PRPF39: variants seen among roughly 807,000 people sequenced by gnomAD.
The protein encoded by PRPF39 is pre-mRNA processing factor 39.
Under a neutral mutation model 82.1 loss-of-function variants are expected in PRPF39, and 27 were observed. The observed-to-expected ratio is 0.33, with a 90% CI of 0.24 to 0.45. PRPF39 has a LOEUF of 0.45. Ranked by LOEUF, PRPF39 falls within the 20% of genes least tolerant of loss-of-function variation. The pLI, the probability that PRPF39 is intolerant of heterozygous loss-of-function variation, is 1.00. For synonymous variants in PRPF39, 261 were observed against 256.4 expected (o/e 1.02, Z -0.17); for missense variants, 581 against 796.9 (o/e 0.73, Z 3.26).
chr14:45,115,332 T>A lies in PRPF39; in HGVS notation c.*419T>A, dbSNP rs1884806459. On this transcript the variant is annotated 3_prime_UTR_variant, in exon 14 of 14. Transcript: ENST00000355765. ...TTTAAAGAAAAAAGGACTTTTAACC[T>A]TTGCTGACAAGGTTTTGTCTGTTTC... The A allele has an allele frequency of 6.6e-6, 1 of 152,500 alleles. No individual in the cohort carries two copies. The highest frequency in any genetic ancestry group is 6.6e-5 in the Admixed American group (1 of 15,224). 9.4% of individuals were successfully genotyped at this position (152,500 alleles called of 1,614,324 possible). A position where few individuals can be genotyped will look rare whatever the true frequency, so the allele number is the denominator to read the frequency against.
chr14:45,113,602 A>T (rs1287336340), intron 11 of PRPF39, among the ~76,000 whole-genome samples: 1 of 152,200 alleles, frequency 6.6e-6, no homozygotes, highest in Non-Finnish European at 1.5e-5. Flanking sequence ...GTTGAATGAT[A>T]TGATTAACAG....
At chr14:45,099,756 A>G (rs868716174) in intron 4 of PRPF39, among the ~76,000 whole-genome samples, 24 of 152,254 alleles carry the variant, frequency 1.6e-4, no homozygotes, top group African/African-American at 5.5e-4. Flanking sequence ...GATTCTTAAT[A>G]TCCAAGAATC....
intron 1 of PRPF39, among the ~76,000 whole-genome samples, chr14:45,093,541 A>C (rs188098218): frequency 6.8e-6 from 1 of 146,828 alleles, no homozygotes; most frequent in East Asian, 2.0e-4. Flanking sequence ...CTATTTATTA[A>C]AGCAGTCTTT....
intron 1 of PRPF39, among the ~76,000 whole-genome samples, chr14:45,087,062 C>CACTATTTATTAAATAGTG: frequency 6.6e-6 from 1 of 152,028 alleles, no homozygotes; most frequent in Non-Finnish European, 1.5e-5. Flanking sequence ...AAAATAAATA[C>CACTATTTATTAAATAGTG]TTAAATTATA....
chr14:45,114,078 G>A lies in PRPF39; in HGVS notation c.1758-105G>A, dbSNP rs2295534. Reference sequence around the variant, plus strand: ...TAGAAATTTTAAAAATAAAGGAGCCGCTTAGAAATTTTCTTAGGCAGTTTC... The same window carrying A: ...TAGAAATTTTAAAAATAAAGGAGCCACTTAGAAATTTTCTTAGGCAGTTTC... On this transcript the variant is annotated intron_variant, in intron 11 of 13. Transcript: ENST00000355765. 547 of 771,804 alleles carry A rather than the reference G, an allele frequency of 7.1e-4. 5 individuals carry two copies. The East Asian group carries it at 0.016, about 22-fold the overall frequency. The allele number at this position is 771,804 out of a possible 1,614,324, so 47.8% of individuals were successfully genotyped here.
chr14:45,113,087 G>C (rs73340626), intron 11 of PRPF39, among the ~76,000 whole-genome samples: 15,097 of 152,186 alleles, frequency 0.099, 989 homozygotes, highest in African/African-American at 0.18. Context: ...TTATCTGATT[G>C]TAGTAAGCAA....
In PRPF39 at chr14:45,112,338, C is replaced by A. The variant is rs771329862; in HGVS notation, c.1593C>A (p.Leu531=). 6.4e-7 allele frequency: 1 copy of A among 1,559,704 alleles called. No homozygotes were observed. Among genetic ancestry groups the A allele is most frequent in the South Asian group, 1.2e-5 (1 of 80,040 alleles). Residue 531 remains leucine (L), a synonymous_variant, in exon 11 of 14, where the codon CTC becomes CTA. Transcript: ENST00000355765. ...CACAGGAGAACACAAAGTTATACCT[C>A]AATTTACTTGAAATGGAATATAGTG... is the stretch of plus-strand genomic sequence containing the variant. ...ERDKENTKLY[L]NLLEMEYSGD...
chr14:45,107,263 T>C (rs1566697316), intron 5 of PRPF39, among the ~76,000 whole-genome samples, 188 bp from the exon 6 acceptor site: 1 of 152,212 alleles, frequency 6.6e-6, no homozygotes, highest in Non-Finnish European at 1.5e-5. Flanking sequence ...GTCTATAGAC[T>C]GTTTTATCAT....
Position 45,115,967 on chromosome 14 carries a change from TCTC to T in PRPF39, c.*1057_*1059del, listed in dbSNP as rs1317564558. 1.5e-5 allele frequency: 7 copies of T among 459,072 alleles called. No homozygotes were observed. Among genetic ancestry groups the T allele is most frequent in the African/African-American group, 5.8e-5 (3 of 51,716 alleles). The allele number at this position is 459,072 out of a possible 1,614,324, so 28.4% of individuals were successfully genotyped here. On this transcript the variant is annotated 3_prime_UTR_variant, in exon 14 of 14. Coordinates refer to ENST00000355765, the MANE Select transcript of PRPF39 (RefSeq NM_017922.4). ...ACAACATGAGGTAAAAGGAAAAAGT[TCTC>T]CTTGACCAGTATTTTACACAGCTGT...
At chr14:45,094,687 A>C (rs1884143991) in intron 1 of PRPF39, among the ~76,000 whole-genome samples, 1 of 152,264 alleles carries the variant, frequency 6.6e-6, no homozygotes, top group Non-Finnish European at 1.5e-5. Flanking sequence ...TATAAATCGT[A>C]AGTATATAGA....
intron 1 of PRPF39, among the ~76,000 whole-genome samples, chr14:45,093,424 A>G (rs1884101767): frequency 6.6e-6 from 1 of 151,914 alleles, no homozygotes; most frequent in Non-Finnish European, 1.5e-5. Flanking sequence ...GGGTTTCACC[A>G]TGTTGGACAG....
At position 45,115,475 on chromosome 14, in the gene PRPF39, CA is replaced by C. The variant is rs1404883040; in HGVS notation, c.*563del. On this transcript the variant is annotated 3_prime_UTR_variant, in exon 14 of 14. Transcript: ENST00000355765. ...TTTGCATCCCTTTAAAAATGAAAAT[CA>C]TATCAAAAGTATGTTGTTTCAGGAG... 1 of 152,410 alleles carries C rather than the reference CA, an allele frequency of 6.6e-6. No homozygotes were observed. The highest frequency in any genetic ancestry group is 1.5e-5 in the Non-Finnish European group (1 of 67,972). The allele number at this position is 152,410 out of a possible 1,614,324, so 9.4% of individuals were successfully genotyped here. A position where few individuals can be genotyped will look rare whatever the true frequency, so the allele number is the denominator to read the frequency against.
chr14:45,094,683 T>G (rs1046111009), intron 1 of PRPF39, among the ~76,000 whole-genome samples: 1 of 152,244 alleles, frequency 6.6e-6, no homozygotes. Flanking sequence ...GATTTATAAA[T>G]CGTAAGTATA....
At position 45,095,554 on chromosome 14, in the gene PRPF39, A is replaced by G. The variant is rs771800509; in HGVS notation, c.315A>G (p.Val105=). The G allele has an allele frequency of 1.9e-5, 31 of 1,597,278 alleles. No individual in the cohort carries two copies. The highest frequency in any genetic ancestry group is 2.6e-5 in the Non-Finnish European group (30 of 1,171,462). Residue 105 remains valine, a synonymous_variant, in exon 2 of 14, where the codon GTA becomes GTG. Transcript: ENST00000355765. The part of the protein sequence containing the change: ...FTGWVYLLQY[V]EQENHLMAAR... ...GCTGGGTATATTTGCTTCAATATGT[A>G]GAACAGGAGGTTAGTAACTATTAAA...
chr14:45,085,480 G>A (rs1279351328), intron 1 of PRPF39, among the ~76,000 whole-genome samples: 1 of 152,168 alleles, frequency 6.6e-6, no homozygotes, highest in Non-Finnish European at 1.5e-5. Context: ...GTTTTCTGTG[G>A]TATGTTTTAA....
chr14:45,096,047 A>C lies in PRPF39; in HGVS notation c.325-56A>C, dbSNP rs1221148563. ...ATAATAACGTTTGAAAGGAATAATA[A>C]ATATTTTTTTGACAGAAATTTCCAC... On this transcript the variant is annotated intron_variant, in intron 2 of 13. Transcript: ENST00000355765. 1.3e-5 allele frequency: 19 copies of C among 1,422,078 alleles called. No homozygotes were observed. The East Asian group carries it at 4.7e-4, about 35-fold the overall frequency. The allele number at this position is 1,422,078 out of a possible 1,614,324, so 88.1% of individuals were successfully genotyped here. A position where few individuals can be genotyped will look rare whatever the true frequency, so the allele number is the denominator to read the frequency against.
chr14:45,097,907 T>G (rs1244231901), intron 4 of PRPF39, among the ~76,000 whole-genome samples: 1 of 152,134 alleles, frequency 6.6e-6, no homozygotes, highest in East Asian at 1.9e-4. Flanking sequence ...TTCAAATATT[T>G]TAGCTCTTTC....
rs1411847995 is a variant in PRPF39 at position 45,112,369 on chromosome 14, C to T, written c.1624C>T (p.Leu542Phe). 2 of 1,581,776 alleles carry T rather than the reference C, an allele frequency of 1.3e-6. No individual in the cohort carries two copies. Among genetic ancestry groups the T allele is most frequent in the African/African-American group, 2.7e-5 (2 of 72,840 alleles). The change falls in exon 11 of 14, where the codon CTC becomes TTC. Residue 542 changes from leucine (L) to phenylalanine (F), a missense_variant. By Grantham distance (22) the Leu-to-Phe change is conservative. Transcript: ENST00000355765. ...ACTTGAAATGGAATATAGTGGTGACCTCAAACAAAATGAAGAAAATATCCT... is the reference window on the plus strand; with the variant it reads ...ACTTGAAATGGAATATAGTGGTGACTTCAAACAAAATGAAGAAAATATCCT... ...NLLEMEYSGD[L>F]KQNEENILNC...
At chr14:45,095,944 TAAA>T (rs1884187654) in intron 2 of PRPF39, among the ~76,000 whole-genome samples, 156 bp from the exon 3 acceptor site, 1 of 146,938 alleles carries the variant, frequency 6.8e-6, no homozygotes, top group Non-Finnish European at 1.5e-5. Flanking sequence ...AGTAAAGGAA[TAAA>T]AGAAGGGCTG....
Sources: allele counts gnomAD v4.1 joint callset (sites outside exome capture counted in the v4.1 genomes callset), GRCh38; gene constraint gnomAD v4.1.1; transcripts MANE v1.5; gene names NCBI Gene and HGNC (gene_info 2026-07-23, HGNC 2026-07-21).